KCNJ6: variants seen among roughly 807,000 people sequenced by gnomAD.
The protein encoded by KCNJ6 is potassium inwardly rectifying channel subfamily J member 6, also known as G protein-activated inward rectifier potassium channel 2.
A neutral mutation model predicts 34.2 loss-of-function variants in KCNJ6; 9 were observed. That is an observed-to-expected ratio of 0.26 (90% CI 0.16 to 0.46). The LOEUF (loss-of-function observed/expected upper bound fraction) is 0.46. KCNJ6 is among the 20% of genes least tolerant of loss of function. KCNJ6 has a pLI of 1.00. For missense variants in KCNJ6, 236 were observed against 531.3 expected (o/e 0.44, Z 5.46); for synonymous variants, 196 against 207.1 (o/e 0.95, Z 0.46).
chr21:37,632,662 G>C (rs2054339082), intron 3 of KCNJ6, among the ~76,000 whole-genome samples: 1 of 151,944 alleles, frequency 6.6e-6, no homozygotes, highest in South Asian at 2.1e-4. Context: ...AAATGGCATT[G>C]GGAACTCAAA....
intron 2 of KCNJ6, among the ~76,000 whole-genome samples, chr21:37,744,247 G>A (rs898654323): frequency 6.6e-6 from 1 of 151,626 alleles, no homozygotes; most frequent in Non-Finnish European, 1.5e-5. Context: ...CACCAACATG[G>A]CACATGTATA....
At chr21:37,819,003 A>T (rs1156659181) in intron 2 of KCNJ6, among the ~76,000 whole-genome samples, 1 of 152,218 alleles carries the variant, frequency 6.6e-6, no homozygotes, top group Non-Finnish European at 1.5e-5. Context: ...AGTATTTTCC[A>T]CAGGTATATT....
At chr21:37,718,434 GAC>G (rs2054805829) in intron 2 of KCNJ6, among the ~76,000 whole-genome samples, 1 of 152,146 alleles carries the variant, frequency 6.6e-6, no homozygotes, top group African/African-American at 2.4e-5. Flanking sequence ...AAAGAGCAAA[GAC>G]AGAGAAAAGA....
chr21:37,809,502 G>A (rs2055311560), intron 2 of KCNJ6, among the ~76,000 whole-genome samples: 1 of 151,706 alleles, frequency 6.6e-6, no homozygotes, highest in Non-Finnish European at 1.5e-5. Flanking sequence ...TTGTGCACAT[G>A]TACCCTAAAA....
intron 2 of KCNJ6, among the ~76,000 whole-genome samples, chr21:37,774,524 T>C (rs1035858101): frequency 7.3e-6 from 1 of 136,202 alleles, no homozygotes; most frequent in African/African-American, 2.7e-5. Flanking sequence ...CAACAGGCTC[T>C]GGTGTGTGAT....
intron 1 of KCNJ6, among the ~76,000 whole-genome samples, chr21:37,884,361 G>A (rs967449850): frequency 2.0e-5 from 3 of 152,102 alleles, no homozygotes; most frequent in South Asian, 2.1e-4. Flanking sequence ...GGGCTACCAC[G>A]ACTGAGACCC....
intron 1 of KCNJ6, among the ~76,000 whole-genome samples, chr21:37,913,909 A>G (rs2055879383): frequency 6.6e-6 from 1 of 152,114 alleles, no homozygotes. Context: ...ATGCCCAACA[A>G]AAAGTTAAAG....
chr21:37,831,062 CT>C (rs1834505926), intron 2 of KCNJ6, among the ~76,000 whole-genome samples: 1 of 152,242 alleles, frequency 6.6e-6, no homozygotes, highest in East Asian at 1.9e-4. Flanking sequence ...GGAAGCCCCC[CT>C]TGCATGGAGA....
At chr21:37,712,591 T>TTCCCTCCCTCCTCC (rs1294543669) in intron 3 of KCNJ6, among the ~76,000 whole-genome samples, 3 of 109,638 alleles carry the variant, frequency 2.7e-5, no homozygotes, top group South Asian at 4.0e-4. Context: ...TCCCTTTCTC[T>TTCCCTCCCTCCTCC]TCCCTCCCTC....
In KCNJ6 at chr21:37,675,870, G is replaced by A. The variant is rs924891480; in HGVS notation, c.946+38341C>T. On this transcript the variant is annotated intron_variant, in intron 3 of 3. Coordinates refer to ENST00000609713, the MANE Select transcript of KCNJ6 (RefSeq NM_002240.5). This position sits in a 1 kb window ranked among gnomAD's most constrained non-coding sequence, Gnocchi z 4.2. Reference sequence around the variant, plus strand: ...ACCCCAACCCATGTCAATAGCGGGGGTGGGGGTGGGGGTGGGGGTGGGGTG... The same window carrying A: ...ACCCCAACCCATGTCAATAGCGGGGATGGGGGTGGGGGTGGGGGTGGGGTG... Among the ~76,000 whole-genome samples the A allele has an allele frequency of 1.3e-5, 2 of 150,162 alleles. No homozygotes were observed. Among genetic ancestry groups the A allele is most frequent in the African/African-American group, 4.9e-5 (2 of 40,478 alleles).
intron 2 of KCNJ6, among the ~76,000 whole-genome samples, chr21:37,726,905 C>A (rs902903761): frequency 6.6e-6 from 1 of 152,164 alleles, no homozygotes; most frequent in Admixed American, 6.5e-5. Context: ...CCCCAAACCT[C>A]AGAAGGTGAC....
intron 3 of KCNJ6, among the ~76,000 whole-genome samples, chr21:37,629,621 C>A (rs2054325288): frequency 6.6e-6 from 1 of 152,084 alleles, no homozygotes; most frequent in African/African-American, 2.4e-5. Context: ...CATCTACAAG[C>A]CAAGGAGAGG....
chr21:37,836,375 A>C (rs1281857462), intron 2 of KCNJ6, among the ~76,000 whole-genome samples: 2 of 152,196 alleles, frequency 1.3e-5, no homozygotes, highest in Non-Finnish European at 2.9e-5. Context: ...TTGACCCAGC[A>C]ATCCCATTAC....
intron 1 of KCNJ6, among the ~76,000 whole-genome samples, chr21:37,863,933 A>G (rs1163559847): frequency 1.4e-4 from 19 of 139,896 alleles, no homozygotes; most frequent in Admixed American, 1.3e-3. Context: ...TTGAGTTTAA[A>G]CTGCTTGAAA....
intron 2 of KCNJ6, among the ~76,000 whole-genome samples, chr21:37,740,254 G>A (rs546414455): frequency 2.1e-4 from 32 of 152,234 alleles, no homozygotes; most frequent in Middle Eastern, 3.4e-3. Context: ...AGTGGGGATT[G>A]GACACGCCTT....
intron 3 of KCNJ6, among the ~76,000 whole-genome samples, chr21:37,690,284 C>G (rs150162733): frequency 2.6e-5 from 4 of 152,162 alleles, no homozygotes; most frequent in Admixed American, 2.0e-4. Context: ...CTGACAATAA[C>G]GATTCCTCCT....
chr21:37,674,774 T>C (rs1178270161), intron 3 of KCNJ6, among the ~76,000 whole-genome samples: 2 of 152,000 alleles, frequency 1.3e-5, no homozygotes, highest in African/African-American at 4.8e-5. Context: ...GCTTACTTTC[T>C]GGTTTAGTCT....
At chr21:37,859,517 A>AAG (rs2055583470) in intron 1 of KCNJ6, among the ~76,000 whole-genome samples, 2 of 72,174 alleles carry the variant, frequency 2.8e-5, no homozygotes, top group South Asian at 1.0e-3. Flanking sequence ...ATATATATAT[A>AAG]TATATATATA....
At chr21:37,632,049 T>C (rs1443236981) in intron 3 of KCNJ6, among the ~76,000 whole-genome samples, 2 of 152,080 alleles carry the variant, frequency 1.3e-5, no homozygotes, top group Non-Finnish European at 2.9e-5. Context: ...GCTCAAATGC[T>C]GAGCAAGTCT....
Sources: allele counts gnomAD v4.1 joint callset (sites outside exome capture counted in the v4.1 genomes callset), GRCh38; gene constraint gnomAD v4.1.1; non-coding constraint Gnocchi (gnomAD v3.1); transcripts MANE v1.5; gene names NCBI Gene and HGNC (gene_info 2026-07-23, HGNC 2026-07-21).